TMIGD3: variants seen among roughly 807,000 people sequenced by gnomAD.
TMIGD3 encodes transmembrane and immunoglobulin domain containing 3.
Under a neutral mutation model 28.1 loss-of-function variants are expected in TMIGD3, and 21 were observed. The observed-to-expected ratio is 0.75, with a 90% CI of 0.53 to 1.08. The LOEUF (loss-of-function observed/expected upper bound fraction) is 1.08. Ranked by LOEUF, TMIGD3 falls within the 50% of genes least tolerant of loss-of-function variation. TMIGD3 has a pLI of 0.00. For synonymous variants in TMIGD3, 151 were observed against 162.1 expected (o/e 0.93, Z 0.52); for missense variants, 416 against 435.6 (o/e 0.96, Z 0.40).
At chr1:111,491,254 G>A (rs536314050) in intron 1 of TMIGD3, among the ~76,000 whole-genome samples, 51 of 152,402 alleles carry the variant, frequency 3.3e-4, no homozygotes, top group South Asian at 1.4e-3. Flanking sequence ...AGTAGCCTGC[G>A]TGCCTGGGAC....
upstream of TMIGD3, among the ~76,000 whole-genome samples, chr1:111,505,988 T>G (rs1260019651): frequency 2.6e-5 from 4 of 152,020 alleles, no homozygotes; most frequent in African/African-American, 9.7e-5. Context: ...TCTCTTTCAC[T>G]TCCTCTCCCC....
intron 1 of TMIGD3, among the ~76,000 whole-genome samples, chr1:111,492,036 A>C (rs750612068): frequency 3.3e-5 from 5 of 152,166 alleles, no homozygotes; most frequent in Non-Finnish European, 5.9e-5. Context: ...AAAGGCGTGC[A>C]ACTTCCACCC....
chr1:111,532,863 G>A (rs551477337), intron 1 of TMIGD3, among the ~76,000 whole-genome samples: 18 of 152,280 alleles, frequency 1.2e-4, no homozygotes, highest in South Asian at 6.2e-4. Context: ...AGCTGATAGC[G>A]GACCTGGTAA....
At chr1:111,547,512 C>A (rs1657078990) in intron 1 of TMIGD3, among the ~76,000 whole-genome samples, 1 of 152,090 alleles carries the variant, frequency 6.6e-6, no homozygotes, top group South Asian at 2.1e-4. Flanking sequence ...ACTAATTTCT[C>A]AACATTAAGC....
intron 1 of TMIGD3, among the ~76,000 whole-genome samples, chr1:111,533,531 C>T (rs1188265031): frequency 6.6e-6 from 1 of 152,116 alleles, no homozygotes; most frequent in Non-Finnish European, 1.5e-5. Context: ...TATTTCTGTA[C>T]TTACACATTA....
chr1:111,559,954 T>C (rs1411638817), intron 1 of TMIGD3, among the ~76,000 whole-genome samples: 2 of 152,194 alleles, frequency 1.3e-5, no homozygotes, highest in South Asian at 2.1e-4. Context: ...TTAGCACTTA[T>C]CAGTTGTCCT....
intron 1 of TMIGD3, among the ~76,000 whole-genome samples, chr1:111,551,173 G>GT (rs1313553271): frequency 2.7e-5 from 4 of 150,864 alleles, no homozygotes; most frequent in Admixed American, 6.6e-5. Context: ...GTTGGATCAT[G>GT]TTTTTTTTTG....
At chr1:111,489,065 A>C in intron 2 of TMIGD3, 41 bp from the exon 3 acceptor site, 7 of 1,521,890 alleles carry the variant, frequency 4.6e-6, no homozygotes, top group Non-Finnish European at 6.3e-6. Flanking sequence ...GCACACACAC[A>C]CACCATTGTT....
intron 3 of TMIGD3, among the ~76,000 whole-genome samples, 178 bp downstream of exon 3, chr1:111,488,499 T>C (rs1285436570): frequency 6.6e-6 from 1 of 152,186 alleles, no homozygotes; most frequent in Non-Finnish European, 1.5e-5. Flanking sequence ...CTTCCAGCTA[T>C]TCCCCAGCAC....
intron 3 of TMIGD3, 44 bp from the exon 4 acceptor site, chr1:111,486,696 A>T: frequency 6.5e-7 from 1 of 1,542,498 alleles, no homozygotes; most frequent in South Asian, 1.1e-5. Flanking sequence ...GCCCATAGCC[A>T]GGTCCTACCT....
chr1:111,485,971 C>G (rs1013416864), intron 4 of TMIGD3, 131 bp from the exon 5 acceptor site: 3 of 659,586 alleles, frequency 4.5e-6, no homozygotes, highest in African/African-American at 1.8e-5. Context: ...TTCTGGGAAC[C>G]GTATTCCTTT....
intron 1 of TMIGD3, among the ~76,000 whole-genome samples, chr1:111,523,729 T>C (rs969904585): frequency 5.9e-5 from 9 of 152,134 alleles, no homozygotes; most frequent in African/African-American, 2.2e-4. Context: ...ATCTAAATTG[T>C]TGAATTTCTT....
In TMIGD3 at chr1:111,494,017, G is replaced by A. The variant is rs189161862; in HGVS notation, c.351-3255C>T. Among the ~76,000 whole-genome samples the A allele has an allele frequency of 4.3e-3, 659 of 152,326 alleles. 4 individuals are homozygous for A. The highest frequency in any genetic ancestry group is 5.4e-3 in the Non-Finnish European group (366 of 68,042). Reference sequence around the variant, plus strand: ...TTAAAAGAAACTGAATATACAAGTGGACTATGGCCACACCATACATGAAAA... The same window carrying A: ...TTAAAAGAAACTGAATATACAAGTGAACTATGGCCACACCATACATGAAAA... On this transcript the variant is annotated intron_variant, in intron 1 of 5. Coordinates refer to ENST00000369716, the MANE Select transcript of TMIGD3 (RefSeq NM_020683.7).
chr1:111,511,858 G>A (rs888171438), intron 1 of TMIGD3, among the ~76,000 whole-genome samples: 1 of 152,158 alleles, frequency 6.6e-6, no homozygotes, highest in Non-Finnish European at 1.5e-5. Flanking sequence ...CTAGTTACCA[G>A]CTTAGTCTGA....
chr1:111,492,044 C>T (rs571702752), intron 1 of TMIGD3, among the ~76,000 whole-genome samples: 11 of 152,188 alleles, frequency 7.2e-5, no homozygotes, highest in Non-Finnish European at 1.6e-4. Flanking sequence ...GCAACTTCCA[C>T]CCTAGTCTCT....
At chr1:111,543,277 A>AAC (rs1656910001) in intron 1 of TMIGD3, among the ~76,000 whole-genome samples, 1 of 151,570 alleles carries the variant, frequency 6.6e-6, no homozygotes, top group Non-Finnish European at 1.5e-5. Context: ...GTGTTGTATA[A>AAC]ATATATATAT....
At chr1:111,520,856 C>A (rs1024807094) in intron 1 of TMIGD3, among the ~76,000 whole-genome samples, 1 of 152,188 alleles carries the variant, frequency 6.6e-6, no homozygotes, top group African/African-American at 2.4e-5. Flanking sequence ...GTCTAATTAG[C>A]ATGCAATAAA....
chr1:111,554,171 G>C (rs1218900422), intron 1 of TMIGD3, among the ~76,000 whole-genome samples: 1 of 152,150 alleles, frequency 6.6e-6, no homozygotes, highest in South Asian at 2.1e-4. Flanking sequence ...TAATTATAAT[G>C]ATAATACCTA....
chr1:111,494,313 C>G (rs547158300), intron 1 of TMIGD3, among the ~76,000 whole-genome samples: 53 of 152,272 alleles, frequency 3.5e-4, no homozygotes, highest in South Asian at 8.3e-4. Context: ...CAAGAAAACC[C>G]CATAGTCTCA....
Sources: allele counts gnomAD v4.1 joint callset (sites outside exome capture counted in the v4.1 genomes callset), GRCh38; gene constraint gnomAD v4.1.1; transcripts MANE v1.5; gene names NCBI Gene and HGNC (gene_info 2026-07-23, HGNC 2026-07-21).